Variants in ZZEF1 observed in about 807,000 individuals in gnomAD.
The protein encoded by ZZEF1 is zinc finger ZZ-type and EF-hand domain-containing protein 1.
Under a neutral mutation model 342.8 loss-of-function variants are expected in ZZEF1, and 157 were observed. The observed-to-expected ratio is 0.46, with a 90% CI of 0.40 to 0.52. The LOEUF (loss-of-function observed/expected upper bound fraction) is 0.52. Among genes scored for constraint, ZZEF1 ranks in the 20% least tolerant of loss-of-function variants. The probability of loss-of-function intolerance (pLI) is 0.00; values close to 1 mark genes in which losing one functional copy is unlikely to be tolerated. For synonymous variants in ZZEF1, 1,505 were observed against 1,429.1 expected (o/e 1.05, Z -1.20); for missense variants, 3,480 against 3,725.6 (o/e 0.93, Z 1.72).
In ZZEF1 at chr17:4,099,155, T is replaced by TA. The variant is rs60721771; in HGVS notation, c.1673-2456dup. 4.3e-4 allele frequency among the ~76,000 whole-genome samples: 63 copies of TA among 147,764 alleles called. No homozygotes were observed. In the South Asian group the frequency reaches 4.3e-3, roughly 10 times the overall value. ...GAAAGGCAAAACAAAAACAAAACCT[T>TA]AAAAAAAAAAATAAAACTTCTGTGC... On this transcript the variant is annotated intron_variant, in intron 9 of 54. Coordinates refer to ENST00000381638, the MANE Select transcript of ZZEF1 (RefSeq NM_015113.4).
intron 2 of ZZEF1, among the ~76,000 whole-genome samples, chr17:4,117,620 C>T (rs2058417487): frequency 8.4e-6 from 1 of 118,734 alleles, no homozygotes; most frequent in Non-Finnish European, 1.6e-5. Flanking sequence ...TGCACTCCAG[C>T]CTGGGCAACA....
In ZZEF1 at chr17:4,024,902, G is replaced by C; in HGVS notation, c.7092+17C>G. The C allele has an allele frequency of 6.2e-7, 1 of 1,613,408 alleles. No homozygotes were observed. Among genetic ancestry groups the C allele is most frequent in the South Asian group, 1.1e-5 (1 of 91,062 alleles). On this transcript the variant is annotated intron_variant, in intron 43 of 54. Transcript: ENST00000381638. ...TTATAGCCAGATCCACTGCCAACTG[G>C]AGAAGCTCCCCATTACCTTTAGTGT...
chr17:4,032,080 A>G (rs2056561296), intron 42 of ZZEF1, 46 bp downstream of exon 42: 1 of 1,592,602 alleles, frequency 6.3e-7, no homozygotes, highest in African/African-American at 1.4e-5. Flanking sequence ...CGGAGGGATT[A>G]GGCATTTTTC....
chr17:4,035,947 A>C (rs1327856888), intron 39 of ZZEF1, among the ~76,000 whole-genome samples: 1 of 152,022 alleles, frequency 6.6e-6, no homozygotes, highest in Non-Finnish European at 1.5e-5. Context: ...TAAACATATA[A>C]AAATTAGCCG....
chr17:4,136,337 C>G, intron 1 of ZZEF1, among the ~76,000 whole-genome samples: 1 of 56,590 alleles, frequency 1.8e-5, no homozygotes, highest in African/African-American at 4.4e-5. Context: ...GAGTGAGACT[C>G]CGTCTCAAAA....
intron 19 of ZZEF1, among the ~76,000 whole-genome samples, chr17:4,077,234 T>C (rs1420219974): frequency 1.3e-5 from 2 of 152,194 alleles, no homozygotes; most frequent in Non-Finnish European, 2.9e-5. Flanking sequence ...GGAGCACTTG[T>C]AGAAGTGAAA....
chr17:4,086,720 T>G (rs1390069878), intron 14 of ZZEF1, 65 bp from the exon 15 acceptor site: 1 of 1,558,068 alleles, frequency 6.4e-7, no homozygotes, highest in African/African-American at 1.4e-5. Context: ...CAAAGCCATA[T>G]AGCTGTCTAC....
chr17:4,133,785 G>C lies in ZZEF1; in HGVS notation c.354+8757C>G, dbSNP rs539598109. ...CACCCAGGCTAGAGTGCAGTAGCGT[G>C]ATCACAGCTCACTGCAGCCTTGACC... On this transcript the variant is annotated intron_variant, in intron 1 of 54. Coordinates refer to ENST00000381638, the MANE Select transcript of ZZEF1 (RefSeq NM_015113.4). 4.2e-4 allele frequency among the ~76,000 whole-genome samples: 63 copies of C among 151,586 alleles called. 3 individuals are homozygous for C. In the South Asian group the frequency reaches 0.013, roughly 31 times the overall value.
chr17:4,060,565 A>C (rs2057263702), intron 30 of ZZEF1, among the ~76,000 whole-genome samples: 1 of 106,648 alleles, frequency 9.4e-6, no homozygotes, highest in South Asian at 2.4e-4. Flanking sequence ...AAAAAAACAA[A>C]CAACAACAAC....
intron 1 of ZZEF1, among the ~76,000 whole-genome samples, chr17:4,127,358 G>A (rs958592225): frequency 2.0e-5 from 3 of 152,106 alleles, no homozygotes; most frequent in East Asian, 1.9e-4. Context: ...AGAAAAGGGC[G>A]ACAGCAGTGT....
intron 31 of ZZEF1, 125 bp from the exon 32 acceptor site, chr17:4,058,280 G>A: frequency 9.6e-7 from 1 of 1,046,402 alleles, no homozygotes; most frequent in Non-Finnish European, 1.4e-6. Context: ...TGCTGGTTTG[G>A]GTTCCTTTCA....
chr17:4,012,279 G>C (rs916009710), intron 52 of ZZEF1, among the ~76,000 whole-genome samples: 1 of 152,176 alleles, frequency 6.6e-6, no homozygotes, highest in Admixed American at 6.5e-5. Context: ...GGACACGGGG[G>C]TAACAGCAAG....
At chr17:4,129,667 T>C (rs2058633053) in intron 1 of ZZEF1, among the ~76,000 whole-genome samples, 1 of 151,952 alleles carries the variant, frequency 6.6e-6, no homozygotes, top group Non-Finnish European at 1.5e-5. Flanking sequence ...TGAAACCCCA[T>C]CTCTACTAAA....
At chr17:4,082,921 G>A (rs1477544344) in intron 16 of ZZEF1, among the ~76,000 whole-genome samples, 2 of 152,096 alleles carry the variant, frequency 1.3e-5, no homozygotes, top group Non-Finnish European at 2.9e-5. Flanking sequence ...GATTACAGGA[G>A]CCCACTACCA....
chr17:4,129,494 A>G (rs2058630301), intron 1 of ZZEF1, among the ~76,000 whole-genome samples: 1 of 152,206 alleles, frequency 6.6e-6, no homozygotes, highest in Non-Finnish European at 1.5e-5. Flanking sequence ...CCCATCAATG[A>G]CAGACTGGAT....
At chr17:4,038,872 G>A (rs996840070) in intron 39 of ZZEF1, among the ~76,000 whole-genome samples, 1 of 152,028 alleles carries the variant, frequency 6.6e-6, no homozygotes, top group Non-Finnish European at 1.5e-5. Flanking sequence ...GGAATGCAGC[G>A]ACTTACTCCA....
At chr17:4,122,700 T>G (rs1441497648) in intron 2 of ZZEF1, among the ~76,000 whole-genome samples, 1 of 151,796 alleles carries the variant, frequency 6.6e-6, no homozygotes, top group African/African-American at 2.4e-5. Context: ...TGCTTAATTT[T>G]AAGCTATTTT....
chr17:4,024,189 T>TTTTTTTTTG (rs2056345860), intron 43 of ZZEF1, among the ~76,000 whole-genome samples: 2 of 123,758 alleles, frequency 1.6e-5, no homozygotes, highest in Non-Finnish European at 3.2e-5. Flanking sequence ...TGCCCAGGTT[T>TTTTTTTTTG]TTTTTTTTTT....
Position 4,080,680 on chromosome 17 carries a change from G to C in ZZEF1, c.2829+696C>G, listed in dbSNP as rs534538453. Among the ~76,000 whole-genome samples the C allele has an allele frequency of 9.2e-5, 14 of 152,262 alleles. No homozygotes were observed. In the South Asian group the frequency reaches 2.5e-3, roughly 27 times the overall value. ...GCTGGGATTACAGGCATGAGCCACT[G>C]TGACCGGTCCTGAATTTCTTTTTTA... On this transcript the variant is annotated intron_variant, in intron 18 of 54. Coordinates refer to ENST00000381638, the MANE Select transcript of ZZEF1 (RefSeq NM_015113.4).
Sources: gnomAD v4.1 joint callset for allele counts (sites outside exome capture counted in the v4.1 genomes callset) on GRCh38, gnomAD v4.1.1 for gene constraint, MANE v1.5 for transcripts, NCBI Gene and HGNC (gene_info 2026-07-23, HGNC 2026-07-21) for gene names.